PPFIA2: variants seen among roughly 807,000 people sequenced by gnomAD.
The protein encoded by PPFIA2 is liprin-alpha-2.
PPFIA2 carries 46 observed loss-of-function variants against 175.5 expected under a neutral mutation model. That is an observed-to-expected ratio of 0.26 (90% CI 0.21 to 0.34). The LOEUF is 0.34. Ranked by LOEUF, PPFIA2 falls within the 10% of genes least tolerant of loss-of-function variation. The probability of loss-of-function intolerance (pLI) is 1.00; values close to 1 mark genes in which losing one functional copy is unlikely to be tolerated. For missense variants in PPFIA2, 1,179 were observed against 1,506.1 expected (o/e 0.78, Z 3.60); for synonymous variants, 568 against 511.4 (o/e 1.11, Z -1.49).
intron 5 of PPFIA2, among the ~76,000 whole-genome samples, chr12:81,456,738 T>G (rs1409944039): frequency 6.6e-6 from 1 of 152,156 alleles, no homozygotes; most frequent in African/African-American, 2.4e-5. Flanking sequence ...TTATAAAATT[T>G]AGTGATTTTT....
At chr12:81,448,423 T>A (rs1366173088) in intron 5 of PPFIA2, among the ~76,000 whole-genome samples, 1 of 152,232 alleles carries the variant, frequency 6.6e-6, no homozygotes, top group Non-Finnish European at 1.5e-5. Context: ...CTGGTCCTCC[T>A]CCTTTCAGCC....
At chr12:81,377,533 AC>A (rs2036649944) in intron 9 of PPFIA2, among the ~76,000 whole-genome samples, 2 of 151,892 alleles carry the variant, frequency 1.3e-5, no homozygotes, top group East Asian at 1.9e-4. Context: ...AGCCTGGGCC[AC>A]AGGGCAAGAC....
At chr12:81,263,177 G>A in intron 31 of PPFIA2, 54 bp downstream of exon 31, 1 of 1,475,684 alleles carries the variant, frequency 6.8e-7, no homozygotes, top group Non-Finnish European at 9.3e-7. Flanking sequence ...AATTATACTA[G>A]CTTTGGCTAA....
In PPFIA2 at chr12:81,294,920, T is replaced by C; in HGVS notation, c.2840A>G (p.Asn947Ser). ...TCGAAGTTTTAAGCGATGCAGTGGA[T>C]TGCTGATTCCAATTTCTCTCTGGAT... ...TEIQREIGIS[N>S]PLHRLKLRLA... Residue 947 changes from asparagine (N) to serine (S), a missense_variant, in exon 24 of 33, where the codon AAT becomes AGT. By Grantham distance (46) the Asn-to-Ser change is conservative (BLOSUM62 1). Transcript: ENST00000549396. 3.1e-6 allele frequency: 5 copies of C among 1,613,178 alleles called. No individual in the cohort carries two copies. The highest frequency in any genetic ancestry group is 2.5e-6 in the Non-Finnish European group (3 of 1,179,330).
At chr12:81,737,475 C>T (rs74104389) in intron 3 of PPFIA2, among the ~76,000 whole-genome samples, 19,594 of 151,870 alleles carry the variant, frequency 0.13, 1,562 homozygotes, top group East Asian at 0.28. Context: ...ATAATATTCT[C>T]CTAGAACTAA....
At chr12:81,482,037 A>C (rs940905718) in intron 4 of PPFIA2, among the ~76,000 whole-genome samples, 10 of 152,318 alleles carry the variant, frequency 6.6e-5, no homozygotes, top group African/African-American at 2.4e-4. Flanking sequence ...ACTTAAACAA[A>C]TTAACAAGAA....
At chr12:81,273,669 ATC>A (rs1253295247) in intron 28 of PPFIA2, among the ~76,000 whole-genome samples, 1 of 152,270 alleles carries the variant, frequency 6.6e-6, no homozygotes, top group East Asian at 1.9e-4. Flanking sequence ...TCAGCCTCAC[ATC>A]TCTCTACTTA....
At chr12:81,684,170 T>C (rs2074100813) in intron 3 of PPFIA2, among the ~76,000 whole-genome samples, 1 of 152,124 alleles carries the variant, frequency 6.6e-6, no homozygotes, top group Non-Finnish European at 1.5e-5. Flanking sequence ...GGTCTTAGCA[T>C]ACCAAAATTC....
rs1199080090 is a variant in PPFIA2 at position 81,723,378 on chromosome 12, A to T, written c.249+30595T>A. Among the ~76,000 whole-genome samples, 8 of 151,146 alleles carry T rather than the reference A, an allele frequency of 5.3e-5. No homozygotes were observed. In the Admixed American group the frequency reaches 5.3e-4, roughly 10 times the overall value. On this transcript the variant is annotated intron_variant, in intron 3 of 32. Coordinates refer to ENST00000549396, the MANE Select transcript of PPFIA2 (RefSeq NM_003625.5). ...ATGAAATGATATATGACACATATAC[A>T]ATTAGTTCAGACACAGACAGCTGAA...
At chr12:81,374,827 A>G (rs1338547195) in intron 10 of PPFIA2, 59 bp from the exon 11 acceptor site, 15 of 1,497,564 alleles carry the variant, frequency 1.0e-5, no homozygotes, top group African/African-American at 1.4e-5. Context: ...AGCAAACACC[A>G]GTCGCCAGGG....
intron 4 of PPFIA2, among the ~76,000 whole-genome samples, chr12:81,623,552 G>T (rs557682473): frequency 5.3e-4 from 80 of 151,908 alleles, no homozygotes; most frequent in African/African-American, 1.9e-3. Flanking sequence ...AAAATGTTGG[G>T]GTAACTTACA....
intron 4 of PPFIA2, among the ~76,000 whole-genome samples, chr12:81,621,143 A>C (rs1323969413): frequency 6.6e-6 from 1 of 152,180 alleles, no homozygotes; most frequent in Admixed American, 6.5e-5. Flanking sequence ...GAACCCCTCA[A>C]TGAGAATTTA....
intron 3 of PPFIA2, among the ~76,000 whole-genome samples, 200 bp downstream of exon 3, chr12:81,753,772 AC>A (rs553671877): frequency 6.8e-4 from 103 of 152,188 alleles, no homozygotes; most frequent in African/African-American, 2.4e-3. Context: ...TCTCACACAA[AC>A]CCCCAACCAC....
chr12:81,448,321 G>T (rs2051720938), intron 5 of PPFIA2, among the ~76,000 whole-genome samples: 1 of 152,078 alleles, frequency 6.6e-6, no homozygotes, highest in South Asian at 2.1e-4. Flanking sequence ...TGCTCCCTCA[G>T]TTTCTAGAAT....
intron 7 of PPFIA2, among the ~76,000 whole-genome samples, chr12:81,406,222 A>G (rs1269491298): frequency 6.6e-6 from 1 of 152,162 alleles, no homozygotes; most frequent in Non-Finnish European, 1.5e-5. Context: ...TTAATTCAGA[A>G]ATTATTTTTT....
chr12:81,322,176 C>T (rs1054585654), intron 22 of PPFIA2, among the ~76,000 whole-genome samples: 3 of 151,982 alleles, frequency 2.0e-5, no homozygotes, highest in Non-Finnish European at 4.4e-5. Flanking sequence ...AACTTCGAAG[C>T]TTTTAGGTTA....
intron 22 of PPFIA2, among the ~76,000 whole-genome samples, chr12:81,306,510 GTTTT>G (rs1393495875): frequency 7.5e-6 from 1 of 133,356 alleles, no homozygotes; most frequent in Non-Finnish European, 1.7e-5. Flanking sequence ...CTTTCTTACT[GTTTT>G]TTGTTTGTTT....
intron 4 of PPFIA2, among the ~76,000 whole-genome samples, chr12:81,667,803 A>C (rs939973268): frequency 7.9e-5 from 12 of 151,978 alleles, no homozygotes; most frequent in Non-Finnish European, 1.5e-4. Flanking sequence ...CACCACCAAA[A>C]TTTAAGTTAC....
chr12:81,642,066 G>T (rs2065034303), intron 4 of PPFIA2, among the ~76,000 whole-genome samples: 1 of 151,968 alleles, frequency 6.6e-6, no homozygotes, highest in African/African-American at 2.4e-5. Context: ...TAATGGAGAT[G>T]ATTTCAATGA....
Sources: allele counts gnomAD v4.1 joint callset (sites outside exome capture counted in the v4.1 genomes callset), GRCh38; gene constraint gnomAD v4.1.1; transcripts MANE v1.5; gene names NCBI Gene and HGNC (gene_info 2026-07-23, HGNC 2026-07-21).